Variants in PLEKHA7 observed in about 807,000 individuals in gnomAD.
The protein encoded by PLEKHA7 is pleckstrin homology domain containing A7.
In PLEKHA7, 104 loss-of-function variants were observed where a neutral mutation model predicts 170.0. The ratio of observed to expected loss-of-function variants is 0.61; its 90% confidence interval spans 0.52 to 0.72. The LOEUF (loss-of-function observed/expected upper bound fraction) is 0.72, where lower values mean the gene tolerates loss of function less well. Ranked by LOEUF, PLEKHA7 falls within the 30% of genes least tolerant of loss-of-function variation. PLEKHA7 has a pLI of 0.00. For missense variants in PLEKHA7, 1,615 were observed against 1,671.7 expected (o/e 0.97, Z 0.59); for synonymous variants, 648 against 660.8 (o/e 0.98, Z 0.30).
chr11:16,839,807 T>C (rs1851809827), intron 9 of PLEKHA7, among the ~76,000 whole-genome samples: 1 of 152,140 alleles, frequency 6.6e-6, no homozygotes, highest in Admixed American at 6.5e-5. Flanking sequence ...CTGGCACCAG[T>C]CCTCCATGGA....
At chr11:16,868,706 G>A (rs1259135303) in intron 4 of PLEKHA7, among the ~76,000 whole-genome samples, 1 of 152,326 alleles carries the variant, frequency 6.6e-6, no homozygotes, top group African/African-American at 2.4e-5. Context: ...AGACAAGCAG[G>A]TACCTCCATG....
At chr11:16,843,489 C>G (rs902244083) in intron 8 of PLEKHA7, among the ~76,000 whole-genome samples, 4 of 152,278 alleles carry the variant, frequency 2.6e-5, no homozygotes, top group Non-Finnish European at 5.9e-5. Flanking sequence ...GTCCATCTGG[C>G]TCAGTGCCAA....
At chr11:16,981,730 C>A (rs1863440630) in intron 3 of PLEKHA7, among the ~76,000 whole-genome samples, 2 of 152,256 alleles carry the variant, frequency 1.3e-5, no homozygotes, top group Admixed American at 1.3e-4. Context: ...ACCAGATCCC[C>A]ACAGATTCCA....
intron 13 of PLEKHA7, 34 bp downstream of exon 13, chr11:16,813,079 A>G: frequency 1.9e-6 from 3 of 1,599,244 alleles, no homozygotes; most frequent in Non-Finnish European, 2.6e-6. Flanking sequence ...AAAGGTGAGT[A>G]TGCAAGGAAG....
intron 3 of PLEKHA7, among the ~76,000 whole-genome samples, chr11:16,942,042 G>A (rs756224361): frequency 5.3e-5 from 8 of 152,146 alleles, no homozygotes; most frequent in South Asian, 2.1e-4. Flanking sequence ...TTACTCACGC[G>A]TAAGTTCTAA....
At chr11:16,982,719 C>T (rs1425167331) in intron 3 of PLEKHA7, among the ~76,000 whole-genome samples, 1 of 151,512 alleles carries the variant, frequency 6.6e-6, no homozygotes, top group African/African-American at 2.4e-5. Context: ...AGGTGGCCCT[C>T]CATGCTTTAG....
At chr11:16,860,466 C>G (rs1227627619) in intron 4 of PLEKHA7, among the ~76,000 whole-genome samples, 2 of 152,018 alleles carry the variant, frequency 1.3e-5, no homozygotes, top group African/African-American at 4.8e-5. Context: ...AAGTGGTCAC[C>G]AAGACAATGA....
At chr11:16,821,729 A>G (rs1376849772) in intron 10 of PLEKHA7, among the ~76,000 whole-genome samples, 2 of 152,224 alleles carry the variant, frequency 1.3e-5, no homozygotes, top group African/African-American at 4.8e-5. Flanking sequence ...AAGAAAAAAA[A>G]AATCTGGGAC....
chr11:16,911,236 C>T (rs1437784312), intron 3 of PLEKHA7, among the ~76,000 whole-genome samples: 5 of 152,156 alleles, frequency 3.3e-5, no homozygotes, highest in Non-Finnish European at 7.3e-5. Flanking sequence ...GGTGTTAACC[C>T]GCAGGCCTCC....
At chr11:16,980,816 G>A (rs933975522) in intron 3 of PLEKHA7, among the ~76,000 whole-genome samples, 1 of 152,114 alleles carries the variant, frequency 6.6e-6, no homozygotes, top group Non-Finnish European at 1.5e-5. Flanking sequence ...GAACCCGGGA[G>A]GCGGAGGTTG....
intron 3 of PLEKHA7, among the ~76,000 whole-genome samples, chr11:16,967,839 C>T (rs1375823618): frequency 1.3e-5 from 2 of 152,008 alleles, no homozygotes; most frequent in Non-Finnish European, 2.9e-5. Flanking sequence ...CAGCTTGCTG[C>T]CTCACCCCAC....
intron 3 of PLEKHA7, among the ~76,000 whole-genome samples, chr11:17,002,822 CCTAA>C (rs1402849553): frequency 6.6e-6 from 1 of 151,684 alleles, no homozygotes; most frequent in East Asian, 1.9e-4. Context: ...AGGGGCCACT[CCTAA>C]CTCAGACTCA....
intron 3 of PLEKHA7, among the ~76,000 whole-genome samples, chr11:17,007,821 G>C (rs1447656261): frequency 4.6e-5 from 7 of 152,110 alleles, no homozygotes; most frequent in African/African-American, 1.7e-4. Flanking sequence ...CAATCCTCCT[G>C]CTTTGGCCAT....
intron 3 of PLEKHA7, among the ~76,000 whole-genome samples, chr11:16,976,674 C>G (rs1334644028): frequency 6.6e-6 from 1 of 152,246 alleles, no homozygotes; most frequent in African/African-American, 2.4e-5. Flanking sequence ...AGCCACACTT[C>G]TGCAAAGAGA....
chr11:16,977,896 G>A (rs1177358223), intron 3 of PLEKHA7, among the ~76,000 whole-genome samples: 5 of 152,012 alleles, frequency 3.3e-5, no homozygotes, highest in Non-Finnish European at 2.9e-5. Flanking sequence ...CCTCATCCTC[G>A]GTCTGCTGTG....
At position 16,816,667 on chromosome 11, in the gene PLEKHA7, AT is replaced by A. The variant is rs1403246059; in HGVS notation, c.1866+132del. The A allele has an allele frequency of 5.4e-6, 6 of 1,105,620 alleles. No individual in the cohort carries two copies. In the Admixed American group the frequency reaches 1.2e-4, roughly 22 times the overall value. The allele number at this position is 1,105,620 out of a possible 1,614,324, so 68.5% of individuals were successfully genotyped here. ...CCCTTGGGAACTGTGCCTGGCATCT[AT>A]TATTAAAATGTACTGCCTAAGTATT... On this transcript the variant is annotated intron_variant, in intron 11 of 26. Coordinates refer to ENST00000531066, the MANE Select transcript of PLEKHA7 (RefSeq NM_001329630.2).
intron 3 of PLEKHA7, among the ~76,000 whole-genome samples, chr11:16,893,946 T>C (rs1856837820): frequency 6.6e-6 from 1 of 152,188 alleles, no homozygotes; most frequent in Non-Finnish European, 1.5e-5. Context: ...ATGCTTCCAG[T>C]GTTGATGCTG....
chr11:16,871,334 T>A lies in PLEKHA7; in HGVS notation c.222-152A>T, dbSNP rs113951291. 5.1e-6 allele frequency: 3 copies of A among 591,466 alleles called. No individual in the cohort carries two copies. The African/African-American group carries it at 5.6e-5, about 11-fold the overall frequency. The allele number at this position is 591,466 out of a possible 1,614,324, so 36.6% of individuals were successfully genotyped here. A position where few individuals can be genotyped will look rare whatever the true frequency, so the allele number is the denominator to read the frequency against. On this transcript the variant is annotated intron_variant, in intron 3 of 26. Coordinates refer to ENST00000531066, the MANE Select transcript of PLEKHA7 (RefSeq NM_001329630.2). ...TTTCCTCTGAGACACACTTAGTCTG[T>A]CAGAACCCCGCCACACTAAGAAAAG...
chr11:16,892,641 T>TTTTC (rs1554965016), intron 3 of PLEKHA7, among the ~76,000 whole-genome samples: 8 of 141,220 alleles, frequency 5.7e-5, no homozygotes, highest in African/African-American at 1.9e-4. Flanking sequence ...TTTTTTTTTT[T>TTTTC]CGTATTTTTA....
Sources: allele counts gnomAD v4.1 joint callset (sites outside exome capture counted in the v4.1 genomes callset), GRCh38; gene constraint gnomAD v4.1.1; transcripts MANE v1.5; gene names NCBI Gene and HGNC (gene_info 2026-07-23, HGNC 2026-07-21).